Variants in NEGR1 observed in about 807,000 individuals in gnomAD.
NEGR1 encodes the protein neuronal growth regulator 1, also known as IgLON family member 4.
NEGR1 carries 10 observed loss-of-function variants against 40.9 expected under a neutral mutation model. That is an observed-to-expected ratio of 0.24 (90% CI 0.15 to 0.42). The LOEUF (loss-of-function observed/expected upper bound fraction) is 0.42. NEGR1 is among the 10% of genes least tolerant of loss of function. The pLI, the probability that NEGR1 is intolerant of heterozygous loss-of-function variation, is 1.00. For synonymous variants in NEGR1, 185 were observed against 166.8 expected, an observed-to-expected ratio of 1.11 and a Z score of -0.84; for missense variants, 352 against 438.9, an observed-to-expected ratio of 0.80 and a Z score of 1.77.
chr1:71,749,277 T>C (rs1655491004), intron 3 of NEGR1, among the ~76,000 whole-genome samples: 1 of 152,174 alleles, frequency 6.6e-6, no homozygotes, highest in African/African-American at 2.4e-5. Context: ...AAACACAAGA[T>C]AGAATATTAT....
At chr1:72,162,784 T>A (rs1651624264) in intron 1 of NEGR1, among the ~76,000 whole-genome samples, 1 of 152,184 alleles carries the variant, frequency 6.6e-6, no homozygotes, top group African/African-American at 2.4e-5. Context: ...GGTCTTATTA[T>A]GTGATTTCAT....
intron 6 of NEGR1, among the ~76,000 whole-genome samples, chr1:71,584,896 T>A (rs141558345): frequency 6.6e-6 from 1 of 152,238 alleles, no homozygotes; most frequent in East Asian, 1.9e-4. Context: ...GCCTAATTAG[T>A]TATAGGATTA....
At chr1:71,651,937 T>A (rs1188960427) in intron 4 of NEGR1, among the ~76,000 whole-genome samples, 4 of 152,168 alleles carry the variant, frequency 2.6e-5, no homozygotes, top group Non-Finnish European at 5.9e-5. Context: ...CCCTGTAAAT[T>A]TCTTGAGTGT....
intron 1 of NEGR1, among the ~76,000 whole-genome samples, chr1:71,938,106 C>T (rs1256245366): frequency 6.6e-6 from 1 of 151,942 alleles, no homozygotes; most frequent in East Asian, 1.9e-4. Flanking sequence ...TTAAGATACA[C>T]ATTAGTAATA....
intron 2 of NEGR1, among the ~76,000 whole-genome samples, chr1:71,840,854 A>G (rs1659211236): frequency 6.6e-6 from 1 of 152,184 alleles, no homozygotes. Context: ...ATTGCCTTTT[A>G]TAATATAGGC....
chr1:71,943,767 A>T (rs28503876), intron 1 of NEGR1, among the ~76,000 whole-genome samples: 2,729 of 152,224 alleles, frequency 0.018, 75 homozygotes, highest in African/African-American at 0.062. Context: ...AATAAATTTC[A>T]TTTGCAGAAT....
intron 1 of NEGR1, among the ~76,000 whole-genome samples, chr1:72,164,466 T>G (rs1040386743): frequency 1.3e-5 from 2 of 152,006 alleles, no homozygotes; most frequent in African/African-American, 4.8e-5. Flanking sequence ...TTCCCCAAAT[T>G]TTCACTTTAT....
intron 6 of NEGR1, among the ~76,000 whole-genome samples, chr1:71,505,574 C>T (rs1311013182): frequency 1.3e-5 from 2 of 152,082 alleles, no homozygotes; most frequent in Admixed American, 6.5e-5. Flanking sequence ...AGCCACCGCG[C>T]CCGGCCCCCT....
rs1039377435 is a variant in NEGR1 at position 72,041,968 on chromosome 1, A to T, written c.177-106657T>A. Among the ~76,000 whole-genome samples the T allele has an allele frequency of 7.6e-5, 11 of 144,180 alleles. No homozygotes were observed. The East Asian group carries it at 1.2e-3, about 16-fold the overall frequency. The allele number at this position is 144,180 out of a possible 152,430, so 94.6% of individuals were successfully genotyped here. ...AGAGTCTCAAATATATATTATATAT[A>T]AATATATAATACATATTTGAGACTC... On this transcript the variant is annotated intron_variant, in intron 1 of 6. Coordinates refer to ENST00000357731, the MANE Select transcript of NEGR1 (RefSeq NM_173808.3).
chr1:71,692,186 A>G (rs2101623131), intron 4 of NEGR1, among the ~76,000 whole-genome samples: 1 of 151,918 alleles, frequency 6.6e-6, no homozygotes, highest in South Asian at 2.1e-4. Context: ...TAGATGTACC[A>G]AAGTGTATCA....
chr1:72,098,419 C>T (rs1283106908), intron 1 of NEGR1, among the ~76,000 whole-genome samples: 1 of 152,234 alleles, frequency 6.6e-6, no homozygotes, highest in Non-Finnish European at 1.5e-5. Flanking sequence ...CTGCCAAACA[C>T]GAAGGCTGTT....
At chr1:72,006,803 C>A (rs1310023211) in intron 1 of NEGR1, among the ~76,000 whole-genome samples, 1 of 152,110 alleles carries the variant, frequency 6.6e-6, no homozygotes, top group Non-Finnish European at 1.5e-5. Flanking sequence ...CAAGGTTAGA[C>A]TGCCCTTAAC....
At chr1:71,590,121 A>G (rs1361952436) in intron 6 of NEGR1, among the ~76,000 whole-genome samples, 1 of 151,978 alleles carries the variant, frequency 6.6e-6, no homozygotes, top group Admixed American at 6.6e-5. Context: ...CCTTTACCTC[A>G]AGGGGCATCT....
intron 2 of NEGR1, among the ~76,000 whole-genome samples, chr1:71,873,142 CAAAT>C (rs1288895861): frequency 9.9e-6 from 1 of 100,746 alleles, no homozygotes; most frequent in East Asian, 3.3e-4. Flanking sequence ...AAAAAAAAGA[CAAAT>C]AGAGTATTTT....
chr1:71,839,382 T>A (rs1439126295), intron 2 of NEGR1, among the ~76,000 whole-genome samples: 1 of 151,610 alleles, frequency 6.6e-6, no homozygotes, highest in African/African-American at 2.4e-5. Context: ...TGTTGTATTT[T>A]TTTTTTTTAG....
At chr1:72,199,686 T>A (rs1653132579) in intron 1 of NEGR1, among the ~76,000 whole-genome samples, 1 of 152,164 alleles carries the variant, frequency 6.6e-6, no homozygotes, top group South Asian at 2.1e-4. Context: ...TATGCATTTT[T>A]AAATTTAATT....
chr1:71,876,604 A>AGAAG (rs34140557), intron 2 of NEGR1, among the ~76,000 whole-genome samples: 30 of 150,514 alleles, frequency 2.0e-4, no homozygotes, highest in South Asian at 8.4e-4. Flanking sequence ...AAGGAAGGAA[A>AGAAG]GAAGGAAGGA....
At chr1:72,052,727 T>C (rs930780685) in intron 1 of NEGR1, among the ~76,000 whole-genome samples, 2 of 151,560 alleles carry the variant, frequency 1.3e-5, no homozygotes, top group African/African-American at 4.8e-5. Context: ...ATTGAGCTAT[T>C]AACTTTTGCA....
chr1:71,975,605 T>C (rs1023381925), intron 1 of NEGR1, among the ~76,000 whole-genome samples: 4 of 152,210 alleles, frequency 2.6e-5, no homozygotes, highest in Non-Finnish European at 4.4e-5. Flanking sequence ...CATGAACCAA[T>C]GCTAGATTAG....
Sources: gnomAD v4.1 joint callset for allele counts (sites outside exome capture counted in the v4.1 genomes callset) on GRCh38, gnomAD v4.1.1 for gene constraint, MANE v1.5 for transcripts, NCBI Gene and HGNC (gene_info 2026-07-23, HGNC 2026-07-21) for gene names.